Variants in KANK1 observed in about 807,000 individuals in gnomAD.
KANK1 encodes KN motif and ankyrin repeat domains 1.
A neutral mutation model predicts 106.2 loss-of-function variants in KANK1; 109 were observed. The observed-to-expected ratio is 1.03, with a 90% confidence interval of 0.88 to 1.20. The LOEUF is 1.20. Among genes scored for constraint, KANK1 ranks in the 50% most tolerant of loss-of-function variants. KANK1 has a pLI of 0.00. For missense variants in KANK1, 2,399 were observed against 1,710.7 expected (o/e 1.40, Z -7.10); for synonymous variants, 873 against 652.2 (o/e 1.34, Z -5.16).
Position 647,688 on chromosome 9 carries a change from A to G in KANK1, c.-83-29202A>G, listed in dbSNP as rs78252823. ...GTTAGGAGCCAAAGTTCTCACCACA[A>G]TCTCATCAGATGTCCTGAGCTATTT... On this transcript the variant is annotated intron_variant, in intron 1 of 11. Transcript: ENST00000382297. 3.2e-4 allele frequency among the ~76,000 whole-genome samples: 48 copies of G among 150,888 alleles called. 2 individuals are homozygous for G. The East Asian group carries it at 4.2e-3, about 13-fold the overall frequency.
intron 1 of KANK1, among the ~76,000 whole-genome samples, chr9:643,791 C>T (rs1839047277): frequency 6.6e-6 from 1 of 150,428 alleles, no homozygotes; most frequent in South Asian, 2.1e-4. Flanking sequence ...CAGGCTCCGC[C>T]TCCTGGGTTC....
intron 1 of KANK1, among the ~76,000 whole-genome samples, chr9:640,402 A>ATT (rs1031842287): frequency 1.4e-5 from 2 of 143,212 alleles, no homozygotes; most frequent in East Asian, 2.0e-4. Context: ...CGCCCAGCTA[A>ATT]TTTTTTTTTT....
intron 3 of KANK1, among the ~76,000 whole-genome samples, chr9:489,674 T>G (rs1325230386): frequency 6.6e-6 from 1 of 152,178 alleles, no homozygotes; most frequent in Non-Finnish European, 1.5e-5. Flanking sequence ...GTGAAAGTAT[T>G]AGAGATAATA....
At chr9:635,127 G>C (rs987170137) in intron 1 of KANK1, among the ~76,000 whole-genome samples, 1 of 152,124 alleles carries the variant, frequency 6.6e-6, no homozygotes, top group Non-Finnish European at 1.5e-5. Context: ...AACAGGTGGA[G>C]AGTCAACCAC....
rs1817267251 is a variant in KANK1, at chr9:680,235, C to G, written c.37+3226C>G. Among the ~76,000 whole-genome samples, 3 of 152,200 alleles carry G rather than the reference C, an allele frequency of 2.0e-5. No individual in the cohort carries two copies. In the South Asian group the frequency reaches 6.2e-4, roughly 32 times the overall value. On this transcript the variant is annotated intron_variant, in intron 2 of 11. Transcript: ENST00000382297. Reference sequence around the variant, plus strand: ...ACTTTCCATAGTGTTAGTAATAAAACAAGCAAAAGAGGAGCCTCTGGGAAA... The same window carrying G: ...ACTTTCCATAGTGTTAGTAATAAAAGAAGCAAAAGAGGAGCCTCTGGGAAA...
intron 1 of KANK1, among the ~76,000 whole-genome samples, chr9:608,373 G>T (rs752522159): frequency 6.6e-6 from 1 of 151,734 alleles, no homozygotes; most frequent in African/African-American, 2.4e-5. Flanking sequence ...CACATTCTAC[G>T]TGACCATAGA....
At chr9:735,311 AT>A (rs1247140189) in intron 7 of KANK1, among the ~76,000 whole-genome samples, 1 of 152,192 alleles carries the variant, frequency 6.6e-6, no homozygotes, top group African/African-American at 2.4e-5. Context: ...GGCGGCCACT[AT>A]TTTTAAACAT....
At chr9:535,170 T>C (rs2060239931) in intron 1 of KANK1, among the ~76,000 whole-genome samples, 2 of 152,168 alleles carry the variant, frequency 1.3e-5, no homozygotes, top group African/African-American at 4.8e-5. Flanking sequence ...CTCCTTTTTT[T>C]CTTTCTCTGT....
chr9:591,259 A>G (rs1341045565), intron 1 of KANK1, among the ~76,000 whole-genome samples: 1 of 151,876 alleles, frequency 6.6e-6, no homozygotes, highest in African/African-American at 2.4e-5. Flanking sequence ...ATGTATATAA[A>G]TATTTAATTT....
chr9:676,435 G>T (rs866518057), intron 1 of KANK1, among the ~76,000 whole-genome samples: 19 of 152,288 alleles, frequency 1.2e-4, no homozygotes, highest in African/African-American at 4.3e-4. Context: ...TATCTCAAAA[G>T]AATTTCCATG....
At chr9:508,641 T>G (rs905742662) in intron 1 of KANK1, among the ~76,000 whole-genome samples, 2 of 147,124 alleles carry the variant, frequency 1.4e-5, no homozygotes, top group East Asian at 1.9e-4. Context: ...CTACACAGAC[T>G]CACACGGTAT....
chr9:576,036 A>G (rs552517279), intron 1 of KANK1, among the ~76,000 whole-genome samples: 4 of 152,340 alleles, frequency 2.6e-5, no homozygotes, highest in South Asian at 2.1e-4. Context: ...ACAAAAAACA[A>G]TAAGTTTAAT....
intron 1 of KANK1, among the ~76,000 whole-genome samples, chr9:642,088 A>G (rs186365902): frequency 6.6e-6 from 1 of 152,298 alleles, no homozygotes; most frequent in East Asian, 1.9e-4. Flanking sequence ...TAGGATGCCC[A>G]TAGTCAGAAA....
At chr9:673,181 C>T (rs894367711) in intron 1 of KANK1, among the ~76,000 whole-genome samples, 3 of 150,692 alleles carry the variant, frequency 2.0e-5, no homozygotes, top group Admixed American at 6.6e-5. Flanking sequence ...CCAGGATTCA[C>T]ACCCAGTGAC....
chr9:720,592 G>T (rs928143188), intron 3 of KANK1, among the ~76,000 whole-genome samples: 1 of 152,198 alleles, frequency 6.6e-6, no homozygotes, highest in Non-Finnish European at 1.5e-5. Context: ...CCAGGCTCAA[G>T]CAATTAACCT....
chr9:715,265 TCAAA>T (rs778903216), intron 3 of KANK1, among the ~76,000 whole-genome samples: 20 of 152,296 alleles, frequency 1.3e-4, no homozygotes, highest in Non-Finnish European at 2.5e-4. Context: ...ATCTGTAGAC[TCAAA>T]CAGAGTCTGC....
chr9:629,447 A>G (rs1835150479), intron 1 of KANK1, among the ~76,000 whole-genome samples: 1 of 152,348 alleles, frequency 6.6e-6, no homozygotes, highest in South Asian at 2.1e-4. Flanking sequence ...CGTGTAATGG[A>G]GAAACAAGCC....
chr9:556,702 C>A (rs1039163995), intron 1 of KANK1, among the ~76,000 whole-genome samples: 1 of 151,920 alleles, frequency 6.6e-6, no homozygotes, highest in Admixed American at 6.6e-5. Flanking sequence ...ACTTTTCTCT[C>A]TAGCTCTTGC....
chr9:668,429 G>A lies in KANK1; in HGVS notation c.-83-8461G>A, dbSNP rs193027320. 3.3e-5 allele frequency among the ~76,000 whole-genome samples: 5 copies of A among 152,166 alleles called. No individual in the cohort carries two copies. The East Asian group carries it at 9.7e-4, about 29-fold the overall frequency. On this transcript the variant is annotated intron_variant, in intron 1 of 11. Coordinates refer to ENST00000382297, the MANE Select transcript of KANK1 (RefSeq NM_015158.5). Reference sequence around the variant, plus strand: ...TTCAGTCCATCAAATGTATTAATCAGTTCTAAGATTTCTGTTTGATTTTTT... The same window carrying A: ...TTCAGTCCATCAAATGTATTAATCAATTCTAAGATTTCTGTTTGATTTTTT...
Sources: gnomAD v4.1 joint callset for allele counts (sites outside exome capture counted in the v4.1 genomes callset) on GRCh38, gnomAD v4.1.1 for gene constraint, MANE v1.5 for transcripts, NCBI Gene and HGNC (gene_info 2026-07-23, HGNC 2026-07-21) for gene names.